The following CHAT variants were observed in gnomAD, a reference collection of about 807,000 sequenced individuals.
CHAT encodes the protein acetyl CoA:choline O-acetyltransferase.
A neutral mutation model predicts 76.9 loss-of-function variants in CHAT; 61 were observed. That is an observed-to-expected ratio of 0.79 (90% CI 0.65 to 0.98). The LOEUF (loss-of-function observed/expected upper bound fraction) is 0.98, where lower values mean the gene tolerates loss of function less well. CHAT is among the 50% of genes least tolerant of loss of function. The pLI is 0.00. For missense variants in CHAT, 946 were observed against 986.9 expected, an observed-to-expected ratio of 0.96 and a Z score of 0.56; for synonymous variants, 407 against 397.4, an observed-to-expected ratio of 1.02 and a Z score of -0.29.
Position 49,625,514 on chromosome 10 carries a change from G to A in CHAT, c.794G>A (p.Gly265Glu), listed in dbSNP as rs777336258. The change falls in exon 6 of 15, where the codon GGG becomes GAG. Residue 265 changes from glycine (G) to glutamate (E), a missense_variant. Around this residue, in one of 3 missense-constraint regions of CHAT, gnomAD observed 548 missense variants for 516.2 expected, o/e 1.06. Coordinates refer to ENST00000337653, the MANE Select transcript of CHAT (RefSeq NM_020549.5). ...GACTGTGCCAAAGGCCAGCTGTCAG[G>A]GCAGCCCCTTTGCATGAAGCAATAC... ...PTDCAKGQLS[G>E]QPLCMKQYYG... is the part of the protein sequence containing the mutation. 30 of 1,613,042 alleles carry A rather than the reference G, an allele frequency of 1.9e-5. No individual in the cohort carries two copies. In the East Asian group the frequency reaches 4.7e-4, roughly 25 times the overall value.
intron 2 of CHAT, among the ~76,000 whole-genome samples, chr10:49,617,744 C>G (rs1001964032): frequency 9.2e-5 from 14 of 152,092 alleles, no homozygotes; most frequent in Non-Finnish European, 2.1e-4. Context: ...ACCACCCCCC[C>G]CACCGCAAGA....
At chr10:49,655,024 A>T in intron 11 of CHAT, 71 bp from the exon 12 acceptor site, 1 of 1,564,278 alleles carries the variant, frequency 6.4e-7, no homozygotes, top group Non-Finnish European at 8.8e-7. Context: ...TGCTGAGGCA[A>T]TTTTTCTTTC....
At chr10:49,609,436 C>A (rs1214557183), upstream of CHAT, among the ~76,000 whole-genome samples, 1 of 150,066 alleles carries the variant, frequency 6.7e-6, no homozygotes, top group Non-Finnish European at 1.5e-5. Flanking sequence ...CGAAGAGTGC[C>A]TGGGAGGAGT....
Position 49,614,238 on chromosome 10 carries a change from TGGAAGAGAGAGGAGGGAGGAGGTACAAGA to T in CHAT, c.55_83del (p.Arg19GlufsTer52). 1 of 1,536,548 alleles carries T rather than the reference TGGAAGAGAGAGGAGGGAGGAGGTACAAGA, an allele frequency of 6.5e-7. No individual in the cohort carries two copies. Among genetic ancestry groups the T allele is most frequent in the Non-Finnish European group, 8.8e-7 (1 of 1,139,108 alleles). On this transcript the variant is annotated frameshift_variant, in exon 1 of 15. Transcript: ENST00000337653. LOFTEE classifies it high-confidence loss of function. The stretch of plus-strand genomic sequence containing the variant: ...GAGGGGGCTTGGGGGAGGGGGGAAA[TGGAAGAGAGAGGAGGGAGGAGGTACAAGA>T]GGAAGGAGAGAAGTGCGGCCAGCTT...
Position 49,648,502 on chromosome 10 carries a change from T to C in CHAT, c.1282-5T>C. On this transcript the variant is annotated splice_region_variant and splice_polypyrimidine_tract_variant and intron_variant, in intron 8 of 14. Coordinates refer to ENST00000337653, the MANE Select transcript of CHAT (RefSeq NM_020549.5). ...TGATCGCCCACTCCCTCTTTCCTGT[T>C]GCAGTTTGTGGTGGGCCGAGACGGC... The C allele has an allele frequency of 6.2e-7, 1 of 1,612,372 alleles. No individual in the cohort carries two copies. Among genetic ancestry groups the C allele is most frequent in the South Asian group, 1.1e-5 (1 of 90,988 alleles).
Position 49,620,603 on chromosome 10 carries a change from G to T in CHAT, c.688G>T (p.Asp230Tyr). 6.2e-7 allele frequency: 1 copy of T among 1,612,570 alleles called. No individual in the cohort carries two copies. Among genetic ancestry groups the T allele is most frequent in the South Asian group, 1.1e-5 (1 of 91,002 alleles). ...TCGGCAGCACTTCCCTGGCACCGAT[G>T]ACCAGCTGAGGTGAGGCCTTGGTGC... ...FARQHFPGTDDQLRFAASLIS... is the reference protein window; with the variant it reads ...FARQHFPGTDYQLRFAASLIS... Residue 230 changes from aspartate to tyrosine, a missense_variant, in exon 4 of 15, where the codon GAC becomes TAC. Transcript: ENST00000337653.
intron 13 of CHAT, among the ~76,000 whole-genome samples, chr10:49,656,228 C>G (rs1840028026): frequency 1.3e-5 from 2 of 150,410 alleles, no homozygotes. Flanking sequence ...CATCTAAATA[C>G]TTCAGTGTTT....
intron 7 of CHAT, among the ~76,000 whole-genome samples, chr10:49,636,983 G>C (rs1043753770): frequency 6.6e-6 from 1 of 151,408 alleles, no homozygotes; most frequent in African/African-American, 2.4e-5. Context: ...TGTCTGCAGG[G>C]TCTGTAGTGA....
intron 8 of CHAT, chr10:49,647,845 G>A (rs1839731214): frequency 6.5e-6 from 1 of 153,184 alleles, no homozygotes; most frequent in South Asian, 2.1e-4. Context: ...TAATGTGGGG[G>A]GTGGGTGCAG....
chr10:49,617,431 A>C (rs981573103), intron 2 of CHAT, among the ~76,000 whole-genome samples: 1 of 152,156 alleles, frequency 6.6e-6, no homozygotes, highest in South Asian at 2.1e-4. Context: ...GGAAACATGG[A>C]GTTTTGGAGC....
chr10:49,658,314 A>G (rs1454914899), intron 13 of CHAT, among the ~76,000 whole-genome samples: 1 of 152,066 alleles, frequency 6.6e-6, no homozygotes, highest in Non-Finnish European at 1.5e-5. Context: ...TTGGGAGTTC[A>G]AGTCCAGCCT....
chr10:49,637,724 CAG>C (rs1300503504), intron 7 of CHAT: 1 of 152,190 alleles, frequency 6.6e-6, no homozygotes, highest in Non-Finnish European at 1.5e-5. Flanking sequence ...AGTGTGAAAA[CAG>C]ACTAATACAG....
At chr10:49,654,332 G>A (rs1471879277) in intron 11 of CHAT, among the ~76,000 whole-genome samples, 1 of 152,276 alleles carries the variant, frequency 6.6e-6, no homozygotes, top group Non-Finnish European at 1.5e-5. Flanking sequence ...GGGCTGAGAT[G>A]TGGGGCCACG....
At chr10:49,613,503 A>G (rs984491197), upstream of CHAT, among the ~76,000 whole-genome samples, 1 of 152,172 alleles carries the variant, frequency 6.6e-6, no homozygotes, top group Non-Finnish European at 1.5e-5. Context: ...GAGTCTTCCC[A>G]TCATAGCGTG....
chr10:49,618,998 T>C (rs1590559789), intron 2 of CHAT, among the ~76,000 whole-genome samples: 2 of 152,156 alleles, frequency 1.3e-5, no homozygotes, highest in Non-Finnish European at 2.9e-5. Flanking sequence ...TCCCCACCCC[T>C]GCCCCTAACA....
chr10:49,620,471 G>A (rs756002891), intron 3 of CHAT, 24 bp from the exon 4 acceptor site: 14 of 1,527,688 alleles, frequency 9.2e-6, no homozygotes, highest in Middle Eastern at 1.7e-4. Context: ...GGGATGTGAC[G>A]GCCTTCCCTG....
upstream of CHAT, chr10:49,611,219 G>A (rs772361985): frequency 6.2e-7 from 1 of 1,614,018 alleles, no homozygotes; most frequent in Non-Finnish European, 8.5e-7. Context: ...ATCGGCCTGG[G>A]CGTCATGTTC....
At chr10:49,663,267 C>G (rs1216270004) in intron 14 of CHAT, among the ~76,000 whole-genome samples, 1 of 152,102 alleles carries the variant, frequency 6.6e-6, no homozygotes, top group African/African-American at 2.4e-5. Flanking sequence ...TTCCCATCTC[C>G]TAAATGGGAG....
chr10:49,623,692 C>T (rs551795275), intron 5 of CHAT, among the ~76,000 whole-genome samples: 1 of 152,314 alleles, frequency 6.6e-6, no homozygotes, highest in South Asian at 2.1e-4. Context: ...CTCCCCATTC[C>T]CCAACTCCTC....
Sources: gnomAD v4.1 joint callset for allele counts (sites outside exome capture counted in the v4.1 genomes callset) on GRCh38, gnomAD v4.1.1 for gene constraint, gnomAD v4.1.1 regional missense constraint, MANE v1.5 for transcripts, NCBI Gene and HGNC (gene_info 2026-07-23, HGNC 2026-07-21) for gene names.